Variants in IPCEF1 observed in about 807,000 individuals in gnomAD.
The protein encoded by IPCEF1 is interactor protein for cytohesin exchange factors 1.
A neutral mutation model predicts 50.9 loss-of-function variants in IPCEF1; 31 were observed. The ratio of observed to expected loss-of-function variants is 0.61; its 90% confidence interval spans 0.46 to 0.82. IPCEF1 has a LOEUF of 0.82. Ranked by LOEUF, IPCEF1 falls within the 40% of genes least tolerant of loss-of-function variation. IPCEF1 has a pLI of 0.00. For synonymous variants in IPCEF1, 181 were observed against 192.0 expected (o/e 0.94, Z 0.47); for missense variants, 458 against 514.0 (o/e 0.89, Z 1.05).
At chr6:154,243,339 TTGTGTGCCGCGTCACACTAAGCACA>T (rs1206685414) in intron 5 of IPCEF1, among the ~76,000 whole-genome samples, 1 of 152,242 alleles carries the variant, frequency 6.6e-6, no homozygotes. Context: ...TTTGTAGGAC[TTGTGTGCCGCGTCACACTAAGCACA>T]TACTCTGTGG....
At chr6:154,206,870 G>A (rs1252499765) in intron 9 of IPCEF1, among the ~76,000 whole-genome samples, 2 of 152,194 alleles carry the variant, frequency 1.3e-5, no homozygotes, top group East Asian at 1.9e-4. Flanking sequence ...TTGGGCTGAC[G>A]ATAAGGGCAA....
At chr6:154,161,465 A>G (rs750952012) in intron 11 of IPCEF1, among the ~76,000 whole-genome samples, 9 of 152,108 alleles carry the variant, frequency 5.9e-5, no homozygotes, top group Non-Finnish European at 1.3e-4. Flanking sequence ...CACCCACCTC[A>G]GCCTCCCAAA....
intron 2 of IPCEF1, among the ~76,000 whole-genome samples, chr6:154,270,175 T>G (rs77258653): frequency 2.2e-4 from 34 of 152,296 alleles, no homozygotes; most frequent in Non-Finnish European, 4.0e-4. Flanking sequence ...AACGACAGGG[T>G]AACAAAACAC....
intron 1 of IPCEF1, among the ~76,000 whole-genome samples, chr6:154,290,345 A>G (rs1029298590): frequency 2.0e-5 from 3 of 152,212 alleles, no homozygotes; most frequent in Non-Finnish European, 4.4e-5. Flanking sequence ...GGGAAGAATC[A>G]GGGTAGGAGA....
At chr6:154,287,109 A>C (rs1230061749) in intron 2 of IPCEF1, among the ~76,000 whole-genome samples, 1 of 152,104 alleles carries the variant, frequency 6.6e-6, no homozygotes, top group Non-Finnish European at 1.5e-5. Flanking sequence ...TAAAATTAAA[A>C]AATAAAAATA....
chr6:154,304,219 C>T (rs1782872187), intron 1 of IPCEF1, among the ~76,000 whole-genome samples: 1 of 151,890 alleles, frequency 6.6e-6, no homozygotes, highest in African/African-American at 2.4e-5. Context: ...AAGACCCTGT[C>T]TCAAAAAAAT....
At chr6:154,252,002 A>C (rs1298920185) in intron 3 of IPCEF1, among the ~76,000 whole-genome samples, 1 of 152,240 alleles carries the variant, frequency 6.6e-6, no homozygotes, top group African/African-American at 2.4e-5. Context: ...AGCAGTAAAG[A>C]TACTGAGTCT....
At chr6:154,176,528 A>G (rs1393734784) in intron 10 of IPCEF1, among the ~76,000 whole-genome samples, 4 of 152,076 alleles carry the variant, frequency 2.6e-5, no homozygotes, top group African/African-American at 9.7e-5. Context: ...ATACACCAAT[A>G]ACAGACAGAG....
At chr6:154,203,909 C>A (rs1373554825) in intron 9 of IPCEF1, among the ~76,000 whole-genome samples, 1 of 152,132 alleles carries the variant, frequency 6.6e-6, no homozygotes, top group African/African-American at 2.4e-5. Context: ...AGTGATTTAT[C>A]CGAATCCCAG....
chr6:154,276,756 A>C (rs1423583822), intron 2 of IPCEF1, among the ~76,000 whole-genome samples: 4 of 152,202 alleles, frequency 2.6e-5, no homozygotes, highest in African/African-American at 9.6e-5. Flanking sequence ...CAAACAGTAG[A>C]TCTCATTACA....
intron 9 of IPCEF1, among the ~76,000 whole-genome samples, chr6:154,205,689 A>C (rs1173237430): frequency 6.6e-6 from 1 of 152,218 alleles, no homozygotes; most frequent in Non-Finnish European, 1.5e-5. Flanking sequence ...ATGCTGCTGA[A>C]TTTGAGCGGC....
intron 9 of IPCEF1, 121 bp from the exon 10 acceptor site, chr6:154,200,161 AAG>A: frequency 1.2e-6 from 1 of 837,808 alleles, no homozygotes; most frequent in South Asian, 1.9e-5. Flanking sequence ...CCAATAATAA[AAG>A]AGTCAAAAGG....
In IPCEF1 at chr6:154,331,395, GAA is replaced by G. The variant is rs1247623687; in HGVS notation, c.-62+25275_-62+25276del. On this transcript the variant is annotated intron_variant, in intron 1 of 11. Coordinates refer to ENST00000367220, the MANE Select transcript of IPCEF1 (RefSeq NM_001130700.2). ...GGAAAGAAAGAAAGAAAGAAAGAAA[GAA>G]AGAAAGAAAGAGAGAGAAAAAGAAA... is the stretch of plus-strand genomic sequence containing the variant. Among the ~76,000 whole-genome samples the G allele has an allele frequency of 4.5e-3, 605 of 133,664 alleles. 2 individuals are homozygous for G. The highest frequency in any genetic ancestry group is 9.7e-3 in the African/African-American group (357 of 36,824). 87.7% of individuals were successfully genotyped at this position (133,664 alleles called of 152,430 possible).
At position 154,355,339 on chromosome 6, in the gene IPCEF1, T is replaced by TATA. The variant is rs1784197986; in HGVS notation, c.-62+1330_-62+1332dup. ...CCCACTCCAGAAAAGACACTTGATT[T>TATA]ATAAAAAGAGGAATGGAAGGAAATT... is the stretch of plus-strand genomic sequence containing the variant. On this transcript the variant is annotated intron_variant, in intron 1 of 11. Coordinates refer to ENST00000367220, the MANE Select transcript of IPCEF1 (RefSeq NM_001130700.2). Among the ~76,000 whole-genome samples the TATA allele has an allele frequency of 5.3e-5, 8 of 152,336 alleles. No homozygotes were observed. In the South Asian group the frequency reaches 1.7e-3, roughly 32 times the overall value.
chr6:154,211,143 G>A (rs112572979), intron 9 of IPCEF1, among the ~76,000 whole-genome samples: 6 of 152,250 alleles, frequency 3.9e-5, no homozygotes, highest in East Asian at 3.9e-4. Context: ...CTGGCTGGGT[G>A]CGGTGGCTCA....
At chr6:154,301,812 A>G (rs1472452260) in intron 1 of IPCEF1, among the ~76,000 whole-genome samples, 1 of 152,194 alleles carries the variant, frequency 6.6e-6, no homozygotes. Flanking sequence ...CAAAGGAGGT[A>G]GTACTAATAA....
intron 3 of IPCEF1, among the ~76,000 whole-genome samples, chr6:154,254,296 G>T (rs556853244): frequency 6.6e-6 from 1 of 152,130 alleles, no homozygotes; most frequent in African/African-American, 2.4e-5. Flanking sequence ...AAACAAAAGA[G>T]GTTTAATTGA....
intron 5 of IPCEF1, 132 bp downstream of exon 5, chr6:154,246,459 A>AT: frequency 9.2e-7 from 1 of 1,086,636 alleles, no homozygotes; most frequent in South Asian, 1.8e-5. Flanking sequence ...AATGGCTTCT[A>AT]TAACTTATTT....
At position 154,350,968 on chromosome 6, in the gene IPCEF1, A is replaced by G. The variant is rs1003446072; in HGVS notation, c.-62+5704T>C. Among the ~76,000 whole-genome samples, 14 of 151,916 alleles carry G rather than the reference A, an allele frequency of 9.2e-5. 1 individual carries two copies. Among genetic ancestry groups the G allele is most frequent in the Admixed American group, 2.6e-4 (4 of 15,242 alleles). ...CTCCTGGCATCAAGCGATCCTCCCA[A>G]CTCCGCTTCCCAAAGTGCTAGGATT... On this transcript the variant is annotated intron_variant, in intron 1 of 11. Coordinates refer to ENST00000367220, the MANE Select transcript of IPCEF1 (RefSeq NM_001130700.2).
Sources: allele counts gnomAD v4.1 joint callset (sites outside exome capture counted in the v4.1 genomes callset), GRCh38; gene constraint gnomAD v4.1.1; transcripts MANE v1.5; gene names NCBI Gene and HGNC (gene_info 2026-07-23, HGNC 2026-07-21).